DISC1: variants seen among roughly 807,000 people sequenced by gnomAD.
DISC1 encodes disrupted in schizophrenia 1 protein.
A neutral mutation model predicts 84.5 loss-of-function variants in DISC1; 57 were observed. That is an observed-to-expected ratio of 0.67 (90% CI 0.55 to 0.84). The LOEUF is 0.84. Ranked by LOEUF, DISC1 falls within the 40% of genes least tolerant of loss-of-function variation. The pLI, the probability that DISC1 is intolerant of heterozygous loss-of-function variation, is 0.00. For missense variants in DISC1, 1,000 were observed against 1,057.8 expected (o/e 0.95, Z 0.76); for synonymous variants, 411 against 415.2 (o/e 0.99, Z 0.12).
intron 10 of DISC1, among the ~76,000 whole-genome samples, chr1:231,992,848 C>T (rs955656347): frequency 6.6e-6 from 1 of 152,108 alleles, no homozygotes; most frequent in African/African-American, 2.4e-5. Context: ...TCATTCAGTT[C>T]ATTAGTTATT....
At chr1:231,975,135 A>C (rs1662609905) in intron 10 of DISC1, among the ~76,000 whole-genome samples, 1 of 152,096 alleles carries the variant, frequency 6.6e-6, no homozygotes, top group Non-Finnish European at 1.5e-5. Context: ...CAACAACAAC[A>C]ACAAAAAACA....
intron 9 of DISC1, among the ~76,000 whole-genome samples, chr1:231,828,453 G>T (rs75599529): frequency 0.026 from 4,031 of 152,188 alleles, 166 homozygotes; most frequent in African/African-American, 0.09. Flanking sequence ...CACCAAACAC[G>T]GACATTCCCC....
At chr1:231,959,259 G>T in intron 10 of DISC1, 1 of 994,098 alleles carries the variant, frequency 1.0e-6, no homozygotes. Flanking sequence ...GTTTATACAT[G>T]GTTTGGAATA....
chr1:231,934,257 C>T (rs532166295), intron 9 of DISC1, among the ~76,000 whole-genome samples: 1 of 152,250 alleles, frequency 6.6e-6, no homozygotes, highest in East Asian at 1.9e-4. Flanking sequence ...TCCTTTTGAC[C>T]CAGCGTCCAC....
intron 1 of DISC1, among the ~76,000 whole-genome samples, chr1:231,673,412 A>G (rs1253469012): frequency 2.0e-5 from 3 of 151,272 alleles, no homozygotes; most frequent in Non-Finnish European, 4.4e-5. Context: ...ATACCCTTGA[A>G]CTCCTGGGCT....
At chr1:231,923,028 A>T (rs1215165549) in intron 9 of DISC1, among the ~76,000 whole-genome samples, 1 of 152,156 alleles carries the variant, frequency 6.6e-6, no homozygotes, top group Non-Finnish European at 1.5e-5. Context: ...CTGCAATCCC[A>T]GCACTGTGGG....
At chr1:231,739,851 A>G (rs112155923) in intron 3 of DISC1, among the ~76,000 whole-genome samples, 5 of 152,192 alleles carry the variant, frequency 3.3e-5, no homozygotes, top group African/African-American at 7.2e-5. Context: ...AAGATTGCCA[A>G]TCTGGGTAAA....
chr1:231,775,017 G>A (rs201565389), intron 6 of DISC1, among the ~76,000 whole-genome samples: 1 of 152,172 alleles, frequency 6.6e-6, no homozygotes, highest in Admixed American at 6.5e-5. Flanking sequence ...CTCTTCTTAG[G>A]CCAGATGGAG....
intron 8 of DISC1, among the ~76,000 whole-genome samples, chr1:231,814,736 A>G (rs991726489): frequency 6.6e-6 from 1 of 152,070 alleles, no homozygotes; most frequent in African/African-American, 2.4e-5. Context: ...CCAGTCTTAC[A>G]AATCCACATC....
chr1:231,796,682 G>T (rs188130162), intron 7 of DISC1, among the ~76,000 whole-genome samples: 3 of 152,264 alleles, frequency 2.0e-5, no homozygotes, highest in Non-Finnish European at 2.9e-5. Context: ...AACAAGTGGT[G>T]CCCGTAAGAC....
chr1:231,833,507 A>G (rs2082400154), intron 9 of DISC1, among the ~76,000 whole-genome samples: 1 of 151,386 alleles, frequency 6.6e-6, no homozygotes, highest in Non-Finnish European at 1.5e-5. Flanking sequence ...GGAAGGAGTC[A>G]GTCAGAGAGC....
intron 9 of DISC1, among the ~76,000 whole-genome samples, chr1:231,853,401 C>T (rs1455965426): frequency 1.3e-5 from 2 of 152,166 alleles, no homozygotes; most frequent in South Asian, 2.1e-4. Context: ...GCCTATTGCT[C>T]CTAGGCTACA....
At chr1:231,631,769 A>T (rs115853275) in intron 1 of DISC1, among the ~76,000 whole-genome samples, 1,591 of 152,102 alleles carry the variant, frequency 0.01, 11 homozygotes, top group Non-Finnish European at 0.013. Flanking sequence ...TATTATATAT[A>T]AAGTAAAAAA....
At chr1:231,972,556 G>GGAAGAATCCTTA (rs1662147627) in intron 10 of DISC1, among the ~76,000 whole-genome samples, 1 of 152,180 alleles carries the variant, frequency 6.6e-6, no homozygotes. Flanking sequence ...AGTCTACCTA[G>GGAAGAATCCTTA]GAAGAAGGAT....
chr1:231,968,548 C>A (rs530744458), intron 10 of DISC1, among the ~76,000 whole-genome samples: 4 of 150,388 alleles, frequency 2.7e-5, no homozygotes, highest in Non-Finnish European at 5.9e-5. Context: ...GCCGAGATCC[C>A]GCCACTGCAC....
At chr1:231,739,299 A>G (rs1573412594) in intron 3 of DISC1, among the ~76,000 whole-genome samples, 1 of 152,194 alleles carries the variant, frequency 6.6e-6, no homozygotes, top group East Asian at 1.9e-4. Context: ...ATAATCAGGA[A>G]TCTGGCCCTC....
At chr1:231,886,834 T>TCTTTCTTTCTTC (rs2086798540) in intron 9 of DISC1, among the ~76,000 whole-genome samples, 1 of 130,374 alleles carries the variant, frequency 7.7e-6, no homozygotes, top group Non-Finnish European at 1.6e-5. Context: ...TTTCTTTCTT[T>TCTTTCTTTCTTC]CCTTCTTTCT....
chr1:231,729,709 GT>G (rs368321722), intron 3 of DISC1, among the ~76,000 whole-genome samples: 238 of 138,996 alleles, frequency 1.7e-3, no homozygotes, highest in South Asian at 6.0e-3. Context: ...ATCCTCTAGG[GT>G]TTTTTTTTTT....
At chr1:231,759,551 A>AAAAAAAAAAC (rs2075457158) in intron 4 of DISC1, among the ~76,000 whole-genome samples, 1 of 139,658 alleles carries the variant, frequency 7.2e-6, no homozygotes, top group Non-Finnish European at 1.5e-5. Context: ...AAAAAAAAAA[A>AAAAAAAAAAC]CAAAACTAGC....
Sources: gnomAD v4.1 joint callset for allele counts (sites outside exome capture counted in the v4.1 genomes callset) on GRCh38, gnomAD v4.1.1 for gene constraint, MANE v1.5 for transcripts, NCBI Gene and HGNC (gene_info 2026-07-23, HGNC 2026-07-21) for gene names.